The following EPHA6 variants were observed in gnomAD, a reference collection of about 807,000 sequenced individuals.
The protein encoded by EPHA6 is EPH receptor A6, also known as ephrin type-A receptor 6.
EPHA6 carries 50 observed loss-of-function variants against 112.0 expected under a neutral mutation model. The observed-to-expected ratio is 0.45, with a 90% CI of 0.36 to 0.56. The LOEUF is 0.56. Among genes scored for constraint, EPHA6 ranks in the 20% least tolerant of loss-of-function variants. The pLI is 0.00. For synonymous variants in EPHA6, 529 were observed against 490.7 expected (o/e 1.08, Z -1.03); for missense variants, 1,280 against 1,417.4 (o/e 0.90, Z 1.56).
chr3:97,017,018 T>C (rs948857256), intron 3 of EPHA6, among the ~76,000 whole-genome samples: 9 of 152,232 alleles, frequency 5.9e-5, no homozygotes, highest in Non-Finnish European at 1.3e-4. Flanking sequence ...CAAACAAATT[T>C]GTTAAGAACA....
chr3:97,661,210 A>G (rs1390793098), intron 14 of EPHA6, among the ~76,000 whole-genome samples: 2 of 152,160 alleles, frequency 1.3e-5, no homozygotes, highest in Non-Finnish European at 2.9e-5. Context: ...AATATTGAGA[A>G]GGATTTTTGG....
chr3:97,341,838 GCAAAATCAGTTTTC>G (rs1402573705), intron 5 of EPHA6, among the ~76,000 whole-genome samples: 3 of 151,982 alleles, frequency 2.0e-5, no homozygotes, highest in Non-Finnish European at 2.9e-5. Context: ...TATTACCCCA[GCAAAATCAGTTTTC>G]CAAAATACAT....
chr3:97,142,346 G>A (rs2075930802), intron 3 of EPHA6, among the ~76,000 whole-genome samples: 1 of 151,886 alleles, frequency 6.6e-6, no homozygotes, highest in Non-Finnish European at 1.5e-5. Flanking sequence ...AATTTAATGA[G>A]CACTGGCAGC....
At chr3:97,181,643 G>A (rs78949140) in intron 3 of EPHA6, among the ~76,000 whole-genome samples, 1,893 of 151,688 alleles carry the variant, frequency 0.012, 32 homozygotes, top group African/African-American at 0.041. Flanking sequence ...CTTTTAACCA[G>A]GAAAATTTAA....
At chr3:97,046,874 T>C (rs937249446) in intron 3 of EPHA6, among the ~76,000 whole-genome samples, 2 of 152,118 alleles carry the variant, frequency 1.3e-5, no homozygotes, top group Admixed American at 6.5e-5. Flanking sequence ...TTTACATAGA[T>C]GAAAAACTTC....
intron 3 of EPHA6, among the ~76,000 whole-genome samples, chr3:97,181,260 G>C (rs1454006931): frequency 6.6e-6 from 1 of 152,032 alleles, no homozygotes; most frequent in Non-Finnish European, 1.5e-5. Context: ...GGGTGGCTTT[G>C]GCCATTCAGA....
chr3:97,191,641 T>C (rs1256759107), intron 3 of EPHA6, among the ~76,000 whole-genome samples: 2 of 151,952 alleles, frequency 1.3e-5, no homozygotes, highest in African/African-American at 4.8e-5. Flanking sequence ...TTGTTGCAAG[T>C]GACAGAATCT....
chr3:97,333,278 A>T (rs1050703367), intron 5 of EPHA6, among the ~76,000 whole-genome samples: 1 of 152,000 alleles, frequency 6.6e-6, no homozygotes, highest in East Asian at 1.9e-4. Context: ...TATTGTTAGT[A>T]TGTAAATATG....
intron 3 of EPHA6, among the ~76,000 whole-genome samples, chr3:97,151,365 T>C (rs1012734028): frequency 1.3e-5 from 2 of 152,142 alleles, no homozygotes; most frequent in African/African-American, 4.8e-5. Context: ...CAATGGCAAT[T>C]TGAGGAAATA....
chr3:96,865,933 C>T (rs2036284454), intron 1 of EPHA6, among the ~76,000 whole-genome samples: 1 of 151,906 alleles, frequency 6.6e-6, no homozygotes, highest in Non-Finnish European at 1.5e-5. Context: ...TCTGTCTTTC[C>T]CAATCGTTTC....
At chr3:97,629,771 G>C (rs2093888076) in intron 13 of EPHA6, among the ~76,000 whole-genome samples, 1 of 151,830 alleles carries the variant, frequency 6.6e-6, no homozygotes, top group Non-Finnish European at 1.5e-5. Flanking sequence ...ATCTTAGAGA[G>C]ACTTCACCAG....
chr3:97,238,948 G>T (rs944729357), intron 4 of EPHA6, among the ~76,000 whole-genome samples: 2 of 151,816 alleles, frequency 1.3e-5, no homozygotes, highest in Admixed American at 6.6e-5. Flanking sequence ...TTTTTTGTTT[G>T]CCTGTTTTAA....
chr3:97,608,349 T>C (rs1391530385), intron 12 of EPHA6, among the ~76,000 whole-genome samples: 1 of 151,324 alleles, frequency 6.6e-6, no homozygotes, highest in Admixed American at 6.6e-5. Flanking sequence ...TCAGATCTTG[T>C]TGAAATACTC....
intron 10 of EPHA6, among the ~76,000 whole-genome samples, chr3:97,484,994 C>T (rs376690287): frequency 3.3e-5 from 5 of 152,262 alleles, no homozygotes; most frequent in South Asian, 2.1e-4. Context: ...ACGGAATTGC[C>T]GACAGCTGCC....
At chr3:97,396,704 G>A (rs2086714784) in intron 5 of EPHA6, among the ~76,000 whole-genome samples, 1 of 151,588 alleles carries the variant, frequency 6.6e-6, no homozygotes, top group Non-Finnish European at 1.5e-5. Flanking sequence ...ACTCCTGTGA[G>A]ATTTAGCATT....
rs555575683 is a variant in EPHA6, at chr3:97,361,237, A to C, written c.1607-43913A>C. Among the ~76,000 whole-genome samples, 274 of 152,304 alleles carry C rather than the reference A, an allele frequency of 1.8e-3. 3 individuals carry two copies. The highest frequency in any genetic ancestry group is 3.7e-3 in the South Asian group (18 of 4,828). ...TAACTATCAGTAAGAAACCGTGTTAATAAATAGCTTTGTTTATTTCACCTG... is the reference window on the plus strand; with the variant it reads ...TAACTATCAGTAAGAAACCGTGTTACTAAATAGCTTTGTTTATTTCACCTG... On this transcript the variant is annotated intron_variant, in intron 5 of 17. Coordinates refer to ENST00000389672, the MANE Select transcript of EPHA6 (RefSeq NM_001080448.3).
At chr3:97,356,168 A>G (rs2108912425) in intron 5 of EPHA6, among the ~76,000 whole-genome samples, 1 of 152,278 alleles carries the variant, frequency 6.6e-6, no homozygotes, top group East Asian at 1.9e-4. Context: ...ACTGCATACA[A>G]GGGATCGAGG....
At chr3:96,877,959 A>C (rs1004003731) in intron 2 of EPHA6, among the ~76,000 whole-genome samples, 15 of 150,180 alleles carry the variant, frequency 1.0e-4, no homozygotes, top group African/African-American at 3.7e-4. Flanking sequence ...ATGTTCATGC[A>C]TCCTAAAGGC....
intron 5 of EPHA6, among the ~76,000 whole-genome samples, chr3:97,340,575 G>C (rs1341176103): frequency 6.6e-6 from 1 of 152,116 alleles, no homozygotes; most frequent in Non-Finnish European, 1.5e-5. Flanking sequence ...TTATGTATTA[G>C]TCTGCTCAGG....
Sources: gnomAD v4.1 joint callset for allele counts (sites outside exome capture counted in the v4.1 genomes callset) on GRCh38, gnomAD v4.1.1 for gene constraint, MANE v1.5 for transcripts, NCBI Gene and HGNC (gene_info 2026-07-23, HGNC 2026-07-21) for gene names.